Variants in TMEM50B observed in about 807,000 individuals in gnomAD.
TMEM50B encodes the protein transmembrane protein 50B, also known as HCV p7-trans-regulated protein 3.
TMEM50B carries 14 observed loss-of-function variants against 23.4 expected under a neutral mutation model. The ratio of observed to expected loss-of-function variants is 0.60; its 90% CI spans 0.39 to 0.93. The LOEUF is 0.93. TMEM50B is among the 40% of genes least tolerant of loss of function. TMEM50B has a pLI of 0.00. For synonymous variants in TMEM50B, 64 were observed against 62.3 expected (o/e 1.03, Z -0.13); for missense variants, 159 against 193.0 (o/e 0.82, Z 1.04).
At chr21:33,445,614 G>C (rs1374736793), downstream of TMEM50B, among the ~76,000 whole-genome samples, 1 of 152,198 alleles carries the variant, frequency 6.6e-6, no homozygotes, top group Non-Finnish European at 1.5e-5. Flanking sequence ...GGCCAACATG[G>C]CAAAACCCCA....
intron 1 of TMEM50B, among the ~76,000 whole-genome samples, 174 bp from the exon 2 acceptor site, chr21:33,469,100 G>A (rs181040731): frequency 2.0e-4 from 30 of 152,200 alleles, no homozygotes; most frequent in African/African-American, 6.5e-4. Flanking sequence ...ATAGGACTAC[G>A]CTAGGACCCA....
chr21:33,476,148 C>CTT (rs1300037732), intron 1 of TMEM50B, among the ~76,000 whole-genome samples: 1 of 152,156 alleles, frequency 6.6e-6, no homozygotes, highest in Non-Finnish European at 1.5e-5. Context: ...AAACCCAAGA[C>CTT]TTTGGGAGGC....
chr21:33,445,370 C>T (rs952182724), downstream of TMEM50B, among the ~76,000 whole-genome samples: 2 of 152,368 alleles, frequency 1.3e-5, no homozygotes, highest in South Asian at 4.1e-4. Context: ...ATTACTTAAG[C>T]TGTGATAAAA....
At chr21:33,478,033 G>C (rs904313634) in intron 1 of TMEM50B, among the ~76,000 whole-genome samples, 1 of 151,742 alleles carries the variant, frequency 6.6e-6, no homozygotes, top group Non-Finnish European at 1.5e-5. Flanking sequence ...TACTAGGGAG[G>C]CTGAGGCAGG....
At chr21:33,474,626 C>A (rs2084349182) in intron 1 of TMEM50B, among the ~76,000 whole-genome samples, 1 of 144,602 alleles carries the variant, frequency 6.9e-6, no homozygotes, top group South Asian at 2.3e-4. Context: ...AATACAAAAC[C>A]AAGCTGGGCG....
At chr21:33,432,974 C>A in intron 8 of TMEM50B, 1 of 981,830 alleles carries the variant, frequency 1.0e-6, no homozygotes, top group East Asian at 2.6e-5. Context: ...CAGCCTCCAT[C>A]TCCCAGGTTC....
At position 33,432,650 on chromosome 21, in the gene TMEM50B, A is replaced by G. The variant is rs529890416; in HGVS notation, c.*2273T>C. The G allele has an allele frequency of 8.3e-6, 13 of 1,560,268 alleles. No individual in the cohort carries two copies. In the Admixed American group the frequency reaches 2.0e-4, roughly 24 times the overall value. On this transcript the variant is annotated 3_prime_UTR_variant and NMD_transcript_variant, in exon 9 of 9. Coordinates refer to the TMEM50B transcript ENST00000420455. ...GCTCTTTAAGCAGCATGGATGGAACATTAACTGATGTTTGTGTTGTGCGTA... is the reference window on the plus strand; with the variant it reads ...GCTCTTTAAGCAGCATGGATGGAACGTTAACTGATGTTTGTGTTGTGCGTA...
intron 1 of TMEM50B, chr21:33,469,509 G>A (rs2123451887): frequency 6.6e-6 from 1 of 152,362 alleles, no homozygotes; most frequent in East Asian, 1.9e-4. Context: ...TTCTTCCATT[G>A]AGAGGTAGAT....
At position 33,455,799 on chromosome 21, in the gene TMEM50B, T is replaced by TA; in HGVS notation, c.374-16dup. 1 of 1,606,006 alleles carries TA rather than the reference T, an allele frequency of 6.2e-7. No homozygotes were observed. Among genetic ancestry groups the TA allele is most frequent in the Non-Finnish European group, 8.5e-7 (1 of 1,173,104 alleles). On this transcript the variant is annotated splice_polypyrimidine_tract_variant and intron_variant, in intron 5 of 6. Transcript: ENST00000542230. The stretch of plus-strand genomic sequence containing the variant: ...AACATCAGTATCTACATACACAAAG[T>TA]AAAACAGATTAGACGGTTATATAGG...
chr21:33,444,414 G>A (rs957313149), downstream of TMEM50B, among the ~76,000 whole-genome samples: 6 of 152,086 alleles, frequency 3.9e-5, no homozygotes, highest in South Asian at 2.1e-4. Context: ...GCATGGTGGC[G>A]TGCGTCTGTA....
At chr21:33,464,452 A>G (rs796868538) in intron 4 of TMEM50B, among the ~76,000 whole-genome samples, 101 of 149,322 alleles carry the variant, frequency 6.8e-4, no homozygotes, top group African/African-American at 2.4e-3. Context: ...CACCCGTCTC[A>G]GCCTCCCAAA....
At chr21:33,464,285 C>T (rs1206477695) in intron 4 of TMEM50B, among the ~76,000 whole-genome samples, 2 of 151,246 alleles carry the variant, frequency 1.3e-5, no homozygotes, top group African/African-American at 4.8e-5. Context: ...GCAACCTCTG[C>T]CTCCCGGGTT....
At chr21:33,462,998 C>T (rs1485625824) in intron 4 of TMEM50B, among the ~76,000 whole-genome samples, 4 of 152,200 alleles carry the variant, frequency 2.6e-5, no homozygotes, top group Non-Finnish European at 5.9e-5. Context: ...GCATTTAAAG[C>T]ATCAGGTAGA....
chr21:33,435,065 C>G (rs1280508335), intron 8 of TMEM50B, among the ~76,000 whole-genome samples: 1 of 152,208 alleles, frequency 6.6e-6, no homozygotes, highest in Non-Finnish European at 1.5e-5. Flanking sequence ...CTCTTTCAGT[C>G]AGTCAGCTAC....
chr21:33,446,122 T>C (rs1301437678), downstream of TMEM50B, among the ~76,000 whole-genome samples: 1 of 152,226 alleles, frequency 6.6e-6, no homozygotes, highest in Non-Finnish European at 1.5e-5. Context: ...AAGCCAGCCA[T>C]GCCCACACCT....
chr21:33,453,328 GA>G (rs1177518125), intron 6 of TMEM50B, among the ~76,000 whole-genome samples: 1 of 151,968 alleles, frequency 6.6e-6, no homozygotes, highest in East Asian at 1.9e-4. Context: ...GACCTCAAGT[GA>G]TCCACCCGCC....
intron 1 of TMEM50B, among the ~76,000 whole-genome samples, chr21:33,474,032 C>G (rs1053454706): frequency 7.4e-5 from 11 of 149,478 alleles, no homozygotes; most frequent in African/African-American, 2.7e-4. Context: ...AAGAAAGATA[C>G]AAAGTGACTG....
intron 6 of TMEM50B, among the ~76,000 whole-genome samples, chr21:33,453,990 G>C (rs2123422057): frequency 1.3e-5 from 2 of 151,102 alleles, no homozygotes; most frequent in South Asian, 4.2e-4. Flanking sequence ...TGTAATCCCA[G>C]CTACTTGGGA....
downstream of TMEM50B, among the ~76,000 whole-genome samples, chr21:33,445,633 A>G (rs2084046847): frequency 6.6e-6 from 1 of 152,202 alleles, no homozygotes; most frequent in South Asian, 2.1e-4. Flanking sequence ...CATCTCTACT[A>G]AAAATACAAA....
Sources: allele counts gnomAD v4.1 joint callset (sites outside exome capture counted in the v4.1 genomes callset), GRCh38; gene constraint gnomAD v4.1.1; transcripts MANE v1.5; gene names NCBI Gene and HGNC (gene_info 2026-07-23, HGNC 2026-07-21).